SLIT2: variants seen among roughly 807,000 people sequenced by gnomAD.
SLIT2 encodes the protein slit guidance ligand 2.
A neutral mutation model predicts 185.7 loss-of-function variants in SLIT2; 41 were observed. That is an observed-to-expected ratio of 0.22 (90% confidence interval 0.17 to 0.29). The LOEUF (loss-of-function observed/expected upper bound fraction) is 0.29, where lower values mean the gene tolerates loss of function less well. SLIT2 is among the 10% of genes least tolerant of loss of function. The probability of loss-of-function intolerance (pLI) is 1.00; values close to 1 mark genes in which losing one functional copy is unlikely to be tolerated. For missense variants in SLIT2, 1,571 were observed against 1,909.0 expected (o/e 0.82, Z 3.30); for synonymous variants, 693 against 680.2 (o/e 1.02, Z -0.29).
intron 25 of SLIT2, chr4:20,552,584 A>G: frequency 6.6e-6 from 1 of 152,102 alleles, no homozygotes; most frequent in Non-Finnish European, 1.5e-5. Flanking sequence ...ACTAAAAAAC[A>G]TCATTTTGCT....
At chr4:20,513,416 C>T (rs1265269141) in intron 11 of SLIT2, among the ~76,000 whole-genome samples, 1 of 152,208 alleles carries the variant, frequency 6.6e-6, no homozygotes, top group Non-Finnish European at 1.5e-5. Flanking sequence ...TTTGAGTTCA[C>T]TTTCCAAAGA....
At chr4:20,346,047 G>A (rs1577473329) in intron 4 of SLIT2, among the ~76,000 whole-genome samples, 2 of 152,218 alleles carry the variant, frequency 1.3e-5, no homozygotes, top group East Asian at 1.9e-4. Flanking sequence ...AGGCTAGAGT[G>A]CAGCGGTATG....
chr4:20,472,244 ATC>A (rs1491096552), intron 5 of SLIT2, among the ~76,000 whole-genome samples: 1 of 51,798 alleles, frequency 1.9e-5, no homozygotes, highest in Non-Finnish European at 3.5e-5. Flanking sequence ...AGATCTATAT[ATC>A]TATATATAGA....
At chr4:20,336,586 T>G (rs1051289591) in intron 4 of SLIT2, among the ~76,000 whole-genome samples, 1 of 152,058 alleles carries the variant, frequency 6.6e-6, no homozygotes, top group Non-Finnish European at 1.5e-5. Context: ...ATGTAGATGA[T>G]GAGTTAATGG....
intron 4 of SLIT2, among the ~76,000 whole-genome samples, chr4:20,311,354 G>A (rs1577409643): frequency 6.6e-6 from 1 of 152,266 alleles, no homozygotes; most frequent in East Asian, 1.9e-4. Context: ...AAATATTTTA[G>A]CAATAACTTT....
intron 33 of SLIT2, among the ~76,000 whole-genome samples, chr4:20,602,438 T>C (rs1291927450): frequency 3.9e-5 from 6 of 152,244 alleles, no homozygotes; most frequent in Non-Finnish European, 7.3e-5. Context: ...TCATCTTATC[T>C]GTTACATCTG....
intron 4 of SLIT2, among the ~76,000 whole-genome samples, chr4:20,284,671 G>A (rs1191557166): frequency 6.6e-6 from 1 of 152,132 alleles, no homozygotes; most frequent in Non-Finnish European, 1.5e-5. Flanking sequence ...GTGACTTTTT[G>A]TACCAATGCT....
At chr4:20,259,749 T>G (rs1274057066) in intron 3 of SLIT2, among the ~76,000 whole-genome samples, 5 of 151,842 alleles carry the variant, frequency 3.3e-5, no homozygotes, top group Non-Finnish European at 5.9e-5. Flanking sequence ...TCTATTCTAC[T>G]AAGACTAAGT....
chr4:20,572,342 T>G lies in SLIT2; in HGVS notation c.3088+3338T>G, dbSNP rs1264217698. Among the ~76,000 whole-genome samples, 3 of 152,334 alleles carry G rather than the reference T, an allele frequency of 2.0e-5. No individual in the cohort carries two copies. The East Asian group carries it at 5.8e-4, about 29-fold the overall frequency. On this transcript the variant is annotated intron_variant, in intron 29 of 36. Coordinates refer to ENST00000504154, the MANE Select transcript of SLIT2 (RefSeq NM_004787.4). Reference sequence around the variant, plus strand: ...AAGTTGAATTCACTATGAATCTAAATTAACATCCCTATACTATTAAGAAAG... The same window carrying G: ...AAGTTGAATTCACTATGAATCTAAAGTAACATCCCTATACTATTAAGAAAG...
intron 4 of SLIT2, among the ~76,000 whole-genome samples, chr4:20,308,495 A>C (rs1299047634): frequency 6.6e-6 from 1 of 152,186 alleles, no homozygotes; most frequent in Non-Finnish European, 1.5e-5. Flanking sequence ...ATGAGCTTTG[A>C]AGTCAAATAC....
intron 4 of SLIT2, among the ~76,000 whole-genome samples, chr4:20,410,243 CTT>C (rs1160985126): frequency 1.4e-5 from 1 of 69,052 alleles, no homozygotes; most frequent in East Asian, 4.3e-4. Flanking sequence ...TCTTTCTTTT[CTT>C]TTTTTTTTTT....
At chr4:20,411,394 A>G (rs1019404784) in intron 4 of SLIT2, among the ~76,000 whole-genome samples, 2 of 152,192 alleles carry the variant, frequency 1.3e-5, no homozygotes, top group African/African-American at 4.8e-5. Flanking sequence ...AGGACATTGC[A>G]CTAGAGAGAT....
chr4:20,501,720 C>T (rs573129726), intron 9 of SLIT2, among the ~76,000 whole-genome samples: 14 of 152,134 alleles, frequency 9.2e-5, no homozygotes, highest in South Asian at 6.2e-4. Flanking sequence ...CATGTAGTTC[C>T]GCAGGCCATT....
intron 12 of SLIT2, among the ~76,000 whole-genome samples, chr4:20,520,428 T>C (rs1720740076): frequency 1.3e-5 from 2 of 152,344 alleles, no homozygotes; most frequent in Admixed American, 6.5e-5. Flanking sequence ...CTGGCCTATA[T>C]GCTTTAGATA....
intron 6 of SLIT2, among the ~76,000 whole-genome samples, chr4:20,485,322 T>C (rs2148787012): frequency 6.6e-6 from 1 of 152,294 alleles, no homozygotes; most frequent in South Asian, 2.1e-4. Context: ...CCTGATTTAT[T>C]TTTATAATAC....
intron 4 of SLIT2, among the ~76,000 whole-genome samples, chr4:20,373,128 G>C (rs1723733048): frequency 6.6e-6 from 1 of 151,960 alleles, no homozygotes; most frequent in African/African-American, 2.4e-5. Flanking sequence ...ACTTCCCATG[G>C]CATTTCAGAG....
At chr4:20,429,273 A>G (rs962738074) in intron 4 of SLIT2, among the ~76,000 whole-genome samples, 1 of 152,020 alleles carries the variant, frequency 6.6e-6, no homozygotes, top group Non-Finnish European at 1.5e-5. Context: ...TTTTTTTCAT[A>G]TGTTTCAATG....
intron 1 of SLIT2, among the ~76,000 whole-genome samples, chr4:20,256,215 C>T (rs1711807577): frequency 6.6e-6 from 1 of 152,030 alleles, no homozygotes; most frequent in African/African-American, 2.4e-5. Context: ...GAAGTTTCGC[C>T]ACCATGCTAC....
intron 5 of SLIT2, among the ~76,000 whole-genome samples, chr4:20,472,337 T>G (rs1715283219): frequency 1.6e-5 from 1 of 62,572 alleles, no homozygotes; most frequent in South Asian, 6.1e-4. Flanking sequence ...TATATATAGA[T>G]CTATATATAG....
Sources: gnomAD v4.1 joint callset for allele counts (sites outside exome capture counted in the v4.1 genomes callset) on GRCh38, gnomAD v4.1.1 for gene constraint, MANE v1.5 for transcripts, NCBI Gene and HGNC (gene_info 2026-07-23, HGNC 2026-07-21) for gene names.